MTHFD2L: variants seen among roughly 807,000 people sequenced by gnomAD.
MTHFD2L encodes methylenetetrahydrofolate dehydrogenase (NADP+ dependent) 2 like, also known as bifunctional methylenetetrahydrofolate dehydrogenase/cyclohydrolase 2, mitochondrial.
A neutral mutation model predicts 34.9 loss-of-function variants in MTHFD2L; 29 were observed. That is an observed-to-expected ratio of 0.83 (90% CI 0.62 to 1.13). The LOEUF (loss-of-function observed/expected upper bound fraction) is 1.13. MTHFD2L is among the 50% of genes most tolerant of loss of function. MTHFD2L has a pLI of 0.00. For missense variants in MTHFD2L, 481 were observed against 446.5 expected (o/e 1.08, Z -0.70); for synonymous variants, 167 against 155.7 (o/e 1.07, Z -0.54).
chr4:74,168,835 T>G (rs984216872), intron 1 of MTHFD2L, among the ~76,000 whole-genome samples: 3 of 152,220 alleles, frequency 2.0e-5, no homozygotes, highest in Non-Finnish European at 2.9e-5. Flanking sequence ...GCTGAACATT[T>G]GAATTGTTGC....
intron 5 of MTHFD2L, among the ~76,000 whole-genome samples, chr4:74,220,357 C>T (rs920497928): frequency 1.3e-5 from 2 of 151,822 alleles, no homozygotes; most frequent in African/African-American, 4.8e-5. Flanking sequence ...GAAGGTGGTA[C>T]CAACTAAAAT....
At position 74,133,595 on chromosome 4, in the gene MTHFD2L, T is replaced by C. The variant is rs184099956; in HGVS notation, c.-297+8078T>C. Among the ~76,000 whole-genome samples the C allele has an allele frequency of 1.7e-4, 26 of 152,330 alleles. No individual in the cohort carries two copies. In the East Asian group the frequency reaches 5.0e-3, roughly 29 times the overall value. ...TCTTTTCTCTAACCCATTCTGTTAT[T>C]GAGATCCTCTAAAGAGTGTTTCAAT... On this transcript the variant is annotated intron_variant, in intron 1 of 7. Coordinates refer to the MTHFD2L transcript ENST00000433372.
chr4:74,170,539 T>A (rs987716734), intron 1 of MTHFD2L, among the ~76,000 whole-genome samples: 3 of 152,160 alleles, frequency 2.0e-5, no homozygotes, highest in African/African-American at 7.2e-5. Context: ...AGGCAAAGAT[T>A]TCTTTTATAC....
intron 6 of MTHFD2L, chr4:74,266,730 T>G (rs979527261): frequency 8.2e-6 from 3 of 364,714 alleles, no homozygotes; most frequent in Admixed American, 6.4e-5. Context: ...AGCTAAGAAG[T>G]AAGGTCTCCA....
chr4:74,222,716 C>G (rs775570686), intron 5 of MTHFD2L, among the ~76,000 whole-genome samples: 8 of 152,150 alleles, frequency 5.3e-5, no homozygotes, highest in Non-Finnish European at 1.2e-4. Flanking sequence ...TAAACTGTGT[C>G]TTTTAGCATG....
chr4:74,229,938 A>T (rs568408177), intron 6 of MTHFD2L, among the ~76,000 whole-genome samples: 2 of 152,330 alleles, frequency 1.3e-5, no homozygotes, highest in East Asian at 3.9e-4. Flanking sequence ...TACAGCAGGT[A>T]AAGGCGTGGT....
At chr4:74,296,965 G>A (rs1036801555) in intron 7 of MTHFD2L, among the ~76,000 whole-genome samples, 5 of 152,004 alleles carry the variant, frequency 3.3e-5, no homozygotes, top group African/African-American at 1.2e-4. Context: ...GGGCACGTTA[G>A]ACAAAGAGAA....
At chr4:74,125,541 T>G (rs1336148800) in intron 1 of MTHFD2L, 3 of 152,156 alleles carry the variant, frequency 2.0e-5, no homozygotes, top group Non-Finnish European at 4.4e-5. Flanking sequence ...TCCCACTTTC[T>G]CAAATTTCTC....
chr4:74,230,870 A>G (rs1376882856), intron 6 of MTHFD2L, among the ~76,000 whole-genome samples: 2 of 152,178 alleles, frequency 1.3e-5, no homozygotes, highest in Non-Finnish European at 2.9e-5. Flanking sequence ...AGGAATCTTC[A>G]TTATTCAGCA....
chr4:74,191,594 G>A (rs953579587), intron 3 of MTHFD2L, among the ~76,000 whole-genome samples: 1 of 151,648 alleles, frequency 6.6e-6, no homozygotes, highest in African/African-American at 2.4e-5. Flanking sequence ...ACTGTTGCCT[G>A]GGCTGGAGTG....
chr4:74,165,466 T>C (rs1726481573), intron 1 of MTHFD2L, among the ~76,000 whole-genome samples: 1 of 152,182 alleles, frequency 6.6e-6, no homozygotes, highest in Non-Finnish European at 1.5e-5. Context: ...CAAGTGATTC[T>C]CCTGCCTCAA....
chr4:74,158,170 T>C lies in MTHFD2L; in HGVS notation c.32T>C (p.Leu11Pro). The C allele has an allele frequency of 6.5e-7, 1 of 1,528,824 alleles. No individual in the cohort carries two copies. Among genetic ancestry groups the C allele is most frequent in the Non-Finnish European group, 8.8e-7 (1 of 1,139,116 alleles). The allele number at this position is 1,528,824 out of a possible 1,614,324, so 94.7% of individuals were successfully genotyped here. Reference protein sequence around the residue: MTVPVRGFSLLRGRLGRAPAL... With the variant: MTVPVRGFSLPRGRLGRAPAL... ...GTGCCGGTCCGCGGCTTCTCGCTGC[T>C]CCGCGGCCGCCTTGGCCGAGCGCCG... Residue 11 changes from leucine (L) to proline (P), a missense_variant, in exon 1 of 8, where the codon CTC (leucine) becomes CCC (proline). Physicochemically the swap from Leu to Pro is moderately conservative, Grantham distance 98 (BLOSUM62 -3). Transcript: ENST00000325278.
At chr4:74,241,619 C>G (rs974954843) in intron 6 of MTHFD2L, 1 of 439,080 alleles carries the variant, frequency 2.3e-6, no homozygotes, top group East Asian at 7.6e-5. Context: ...CTCAAGCGAT[C>G]CACCTGCCTC....
At chr4:74,164,389 C>G (rs1003975307) in intron 1 of MTHFD2L, among the ~76,000 whole-genome samples, 18 of 152,138 alleles carry the variant, frequency 1.2e-4, no homozygotes, top group Admixed American at 4.6e-4. Flanking sequence ...TTATTTTGCT[C>G]TAGTTTATTA....
At chr4:74,189,207 A>C (rs527540066) in intron 3 of MTHFD2L, among the ~76,000 whole-genome samples, 1 of 152,288 alleles carries the variant, frequency 6.6e-6, no homozygotes, top group East Asian at 1.9e-4. Context: ...CAAGCCCATG[A>C]ATTATGATTA....
chr4:74,287,153 C>T (rs890233440), intron 7 of MTHFD2L, among the ~76,000 whole-genome samples: 2 of 152,150 alleles, frequency 1.3e-5, no homozygotes, highest in African/African-American at 2.4e-5. Flanking sequence ...AGAATGTCTA[C>T]TCCTCTAGCG....
chr4:74,165,315 C>T (rs1726444241), intron 1 of MTHFD2L, among the ~76,000 whole-genome samples: 1 of 152,058 alleles, frequency 6.6e-6, no homozygotes, highest in African/African-American at 2.4e-5. Flanking sequence ...TCTTTTAACA[C>T]CTTGATCCTG....
chr4:74,287,019 T>C (rs531675058), intron 7 of MTHFD2L, among the ~76,000 whole-genome samples: 5 of 152,276 alleles, frequency 3.3e-5, no homozygotes, highest in African/African-American at 1.2e-4. Flanking sequence ...CTTAACATAA[T>C]TGGATAGTAA....
intron 6 of MTHFD2L, among the ~76,000 whole-genome samples, chr4:74,242,733 T>C (rs1461694363): frequency 6.6e-6 from 1 of 152,248 alleles, no homozygotes; most frequent in East Asian, 1.9e-4. Context: ...CAAGTGTAAG[T>C]GTTAACATAT....
Sources: gnomAD v4.1 joint callset for allele counts (sites outside exome capture counted in the v4.1 genomes callset) on GRCh38, gnomAD v4.1.1 for gene constraint, MANE v1.5 for transcripts, NCBI Gene and HGNC (gene_info 2026-07-23, HGNC 2026-07-21) for gene names.